The following KCNE3 variants were observed in gnomAD, a reference collection of about 807,000 sequenced individuals.
KCNE3 encodes potassium voltage-gated channel subfamily E regulatory subunit 3, also known as potassium voltage-gated channel subfamily E member 3.
In KCNE3, 2 loss-of-function variants were observed where a neutral mutation model predicts 4.3. The observed-to-expected ratio is 0.47, with a 90% CI of 0.19 to 1.48. KCNE3 has a LOEUF of 1.48. Ranked by LOEUF, KCNE3 falls within the 40% of genes most tolerant of loss-of-function variation. The pLI is 0.25. For synonymous variants in KCNE3, 47 were observed against 52.0 expected (o/e 0.90, Z 0.41); for missense variants, 128 against 136.8 (o/e 0.94, Z 0.32).
chr11:74,461,897 T>C (rs1863961839), intron 2 of KCNE3, 58 bp downstream of exon 2: 1 of 151,962 alleles, frequency 6.6e-6, no homozygotes, highest in South Asian at 2.1e-4. Context: ...TAGGTATCAT[T>C]GGAAAGGGGT....
In KCNE3 at chr11:74,462,064, G is replaced by C. The variant is rs1336756170; in HGVS notation, c.-150C>G. 4 of 152,316 alleles carry C rather than the reference G, an allele frequency of 2.6e-5. No homozygotes were observed. The highest frequency in any genetic ancestry group is 5.9e-5 in the Non-Finnish European group (4 of 68,140). The allele number at this position is 152,316 out of a possible 1,614,324, so 9.4% of individuals were successfully genotyped here. ...CTTCAGGATGTCTCTGGACACATCT[G>C]GGATCTCAGTATTGACTTCGGAGCT... On this transcript the variant is annotated 5_prime_UTR_variant, in exon 2 of 3. Coordinates refer to ENST00000310128, the MANE Select transcript of KCNE3 (RefSeq NM_005472.5).
At chr11:74,459,937 T>C (rs986439108) in intron 2 of KCNE3, among the ~76,000 whole-genome samples, 3 of 152,214 alleles carry the variant, frequency 2.0e-5, no homozygotes, top group African/African-American at 7.2e-5. Flanking sequence ...TAGTTTCTAG[T>C]AGAGATGTTC....
chr11:74,461,741 CTTTT>C (rs939006455), intron 2 of KCNE3, among the ~76,000 whole-genome samples: 9 of 150,124 alleles, frequency 6.0e-5, no homozygotes, highest in Admixed American at 6.0e-4. Context: ...GGATTAAAAA[CTTTT>C]TTTTTATTTT....
intron 2 of KCNE3, among the ~76,000 whole-genome samples, chr11:74,459,193 T>G (rs182131529): frequency 6.6e-6 from 1 of 151,918 alleles, no homozygotes; most frequent in Non-Finnish European, 1.5e-5. Context: ...ACCTGGCATA[T>G]AGTAAGTGAT....
At chr11:74,458,382 A>G (rs1432888156) in intron 2 of KCNE3, among the ~76,000 whole-genome samples, 1 of 152,252 alleles carries the variant, frequency 6.6e-6, no homozygotes, top group Non-Finnish European at 1.5e-5. Context: ...TGGCTTGTCC[A>G]TGATCACAGA....
chr11:74,458,820 C>A (rs1053782956), intron 2 of KCNE3, among the ~76,000 whole-genome samples: 21 of 150,214 alleles, frequency 1.4e-4, no homozygotes, highest in Non-Finnish European at 1.5e-5. Flanking sequence ...GGCCACAGAG[C>A]GTGACTTTGT....
intron 1 of KCNE3, among the ~76,000 whole-genome samples, chr11:74,466,334 G>A (rs1230785278): frequency 1.3e-5 from 2 of 152,208 alleles, no homozygotes; most frequent in Non-Finnish European, 2.9e-5. Context: ...AGTGAGGGAT[G>A]GAGAAGGTGA....
chr11:74,461,288 T>A (rs1034239958), intron 2 of KCNE3, among the ~76,000 whole-genome samples: 1 of 111,288 alleles, frequency 9.0e-6, no homozygotes, highest in Non-Finnish European at 2.0e-5. Flanking sequence ...TATATTTTTA[T>A]GTTTTGTGTG....
chr11:74,456,434 T>C lies in KCNE3; in HGVS notation c.*818A>G, dbSNP rs1863817747. 6.6e-6 allele frequency: 1 copy of C among 151,786 alleles called. No individual in the cohort carries two copies. Among genetic ancestry groups the C allele is most frequent in the African/African-American group, 2.4e-5 (1 of 41,318 alleles). 9.4% of individuals were successfully genotyped at this position (151,786 alleles called of 1,614,324 possible). On this transcript the variant is annotated 3_prime_UTR_variant, in exon 3 of 3. Transcript: ENST00000310128. ...GTAGTTTAGTCCTGTTGCCTGGCAA[T>C]GTGGCTGGGAAGTGCCCTGTGACTT...
chr11:74,459,466 G>T (rs554812659), intron 2 of KCNE3, among the ~76,000 whole-genome samples: 1 of 151,980 alleles, frequency 6.6e-6, no homozygotes, highest in Non-Finnish European at 1.5e-5. Context: ...GTTTCACCAT[G>T]TTAGCCAGGA....
rs1397426395 is a variant in KCNE3 at position 74,455,502 on chromosome 11, GC to G, written c.*1749del. 3 of 152,152 alleles carry G rather than the reference GC, an allele frequency of 2.0e-5. No homozygotes were observed. Among genetic ancestry groups the G allele is most frequent in the African/African-American group, 7.2e-5 (3 of 41,426 alleles). The allele number at this position is 152,152 out of a possible 1,614,324, so 9.4% of individuals were successfully genotyped here. On this transcript the variant is annotated 3_prime_UTR_variant, in exon 3 of 3. Coordinates refer to ENST00000310128, the MANE Select transcript of KCNE3 (RefSeq NM_005472.5). ...TATGGCTCAACTTAATGTATATGAA[GC>G]CTAGAATGTCAGAACTGATAGAGCC...
chr11:74,459,507 C>T (rs1863903100), intron 2 of KCNE3, among the ~76,000 whole-genome samples: 2 of 152,064 alleles, frequency 1.3e-5, no homozygotes, highest in Non-Finnish European at 1.5e-5. Context: ...TGTGATTCGC[C>T]CACCTCGGCC....
At chr11:74,459,338 T>G (rs1017042727) in intron 2 of KCNE3, among the ~76,000 whole-genome samples, 17 of 142,538 alleles carry the variant, frequency 1.2e-4, no homozygotes, top group Admixed American at 2.3e-4. Context: ...CTCGGCTCAC[T>G]GCAAGTTCCG....
At chr11:74,464,903 A>G (rs1864028272) in intron 1 of KCNE3, among the ~76,000 whole-genome samples, 1 of 152,182 alleles carries the variant, frequency 6.6e-6, no homozygotes, top group Non-Finnish European at 1.5e-5. Flanking sequence ...CTGTTTTCTT[A>G]AACAAGAATG....
chr11:74,466,041 A>G (rs1262846718), intron 1 of KCNE3, among the ~76,000 whole-genome samples: 2 of 152,004 alleles, frequency 1.3e-5, no homozygotes, highest in Non-Finnish European at 2.9e-5. Context: ...CTCTATGATC[A>G]TTCCCGCAGT....
At chr11:74,458,362 A>G (rs2135006297) in intron 2 of KCNE3, among the ~76,000 whole-genome samples, 1 of 152,354 alleles carries the variant, frequency 6.6e-6, no homozygotes, top group East Asian at 1.9e-4. Flanking sequence ...TGAGGCCTTG[A>G]GAGAATAAGT....
chr11:74,465,926 T>C lies in KCNE3; in HGVS notation c.-190+1472A>G, dbSNP rs939283663. Among the ~76,000 whole-genome samples the C allele has an allele frequency of 4.6e-5, 7 of 152,184 alleles. No homozygotes were observed. The South Asian group carries it at 8.3e-4, about 18-fold the overall frequency. On this transcript the variant is annotated intron_variant, in intron 1 of 2. Coordinates refer to ENST00000310128, the MANE Select transcript of KCNE3 (RefSeq NM_005472.5). The stretch of plus-strand genomic sequence containing the variant: ...AAGAACAACCATCTCTGTGTCTCCT[T>C]TCCCACTCCAGGTCTCCTAGCCTCA...
rs1863837423 is a variant in KCNE3, at chr11:74,457,219, G to A, written c.*33C>T. ...GAGGCCCCAGACGCAATCCCCAGGT[G>A]TCTTGGTCTTCCACCGTCCCAGCCC... On this transcript the variant is annotated 3_prime_UTR_variant, in exon 3 of 3. Transcript: ENST00000310128. 6.2e-7 allele frequency: 1 copy of A among 1,602,100 alleles called. No individual in the cohort carries two copies. Among genetic ancestry groups the A allele is most frequent in the African/African-American group, 1.3e-5 (1 of 74,718 alleles).
chr11:74,464,717 T>C (rs1864024388), intron 1 of KCNE3, among the ~76,000 whole-genome samples: 1 of 152,190 alleles, frequency 6.6e-6, no homozygotes, highest in African/African-American at 2.4e-5. Flanking sequence ...AGTTCCCTTC[T>C]GCCAGTAGGG....
Sources: allele counts gnomAD v4.1 joint callset (sites outside exome capture counted in the v4.1 genomes callset), GRCh38; gene constraint gnomAD v4.1.1; transcripts MANE v1.5; gene names NCBI Gene and HGNC (gene_info 2026-07-23, HGNC 2026-07-21).